Variants in ZNF385B observed in about 807,000 individuals in gnomAD.
The protein encoded by ZNF385B is zinc finger protein 385B.
A neutral mutation model predicts 39.2 loss-of-function variants in ZNF385B; 23 were observed. The ratio of observed to expected loss-of-function variants is 0.59; its 90% CI spans 0.42 to 0.83. The LOEUF is 0.83. Ranked by LOEUF, ZNF385B falls within the 40% of genes least tolerant of loss-of-function variation. ZNF385B has a pLI of 0.00. For synonymous variants in ZNF385B, 205 were observed against 222.6 expected, an observed-to-expected ratio of 0.92 and a Z score of 0.70; for missense variants, 552 against 598.9, an observed-to-expected ratio of 0.92 and a Z score of 0.82.
intron 3 of ZNF385B, among the ~76,000 whole-genome samples, chr2:179,671,652 G>A (rs1280497880): frequency 6.6e-6 from 1 of 152,206 alleles, no homozygotes; most frequent in Admixed American, 6.5e-5. Context: ...TTTCAACGAA[G>A]GGGCTACAGG....
intron 3 of ZNF385B, among the ~76,000 whole-genome samples, chr2:179,648,721 G>A (rs747785903): frequency 6.6e-6 from 1 of 152,086 alleles, no homozygotes; most frequent in Non-Finnish European, 1.5e-5. Context: ...AAATGACAAG[G>A]CTCCTGAGTC....
chr2:179,565,423 A>G (rs1684444355), intron 3 of ZNF385B, among the ~76,000 whole-genome samples: 1 of 152,222 alleles, frequency 6.6e-6, no homozygotes, highest in African/African-American at 2.4e-5. Context: ...CATTATTATT[A>G]CCATCACCAC....
chr2:179,689,409 C>G (rs900505929), intron 3 of ZNF385B, among the ~76,000 whole-genome samples: 1 of 152,164 alleles, frequency 6.6e-6, no homozygotes, highest in Non-Finnish European at 1.5e-5. Context: ...TGTGGACACT[C>G]AGTCCAGTAT....
chr2:179,618,735 T>C (rs1689965129), intron 3 of ZNF385B, among the ~76,000 whole-genome samples: 1 of 152,126 alleles, frequency 6.6e-6, no homozygotes, highest in Admixed American at 6.6e-5. Flanking sequence ...ACAAGAGGAA[T>C]CAGGAAAGCA....
At chr2:179,639,359 C>T (rs1692064767) in intron 3 of ZNF385B, among the ~76,000 whole-genome samples, 4 of 151,552 alleles carry the variant, frequency 2.6e-5, no homozygotes, top group Admixed American at 2.0e-4. Context: ...ATGGTGACTA[C>T]AGTTAATAAT....
At chr2:179,772,592 C>G (rs553860615) in intron 1 of ZNF385B, among the ~76,000 whole-genome samples, 1 of 152,302 alleles carries the variant, frequency 6.6e-6, no homozygotes, top group Non-Finnish European at 1.5e-5. Flanking sequence ...TCTCAGCATC[C>G]ACTTTTGGCC....
intron 6 of ZNF385B, among the ~76,000 whole-genome samples, chr2:179,467,266 G>C (rs2052166383): frequency 6.6e-6 from 1 of 152,034 alleles, no homozygotes; most frequent in Admixed American, 6.6e-5. Flanking sequence ...TGTCCCCAAG[G>C]GTTACCTAGT....
chr2:179,445,374 A>G (rs10201198), intron 8 of ZNF385B, among the ~76,000 whole-genome samples, 176 bp downstream of exon 8: 3,875 of 152,304 alleles, frequency 0.025, 78 homozygotes, highest in Middle Eastern at 0.061. Flanking sequence ...AGATGCTCAA[A>G]TATTTCATAC....
intron 3 of ZNF385B, among the ~76,000 whole-genome samples, chr2:179,635,576 T>G (rs1249324682): frequency 6.6e-6 from 1 of 151,730 alleles, no homozygotes; most frequent in African/African-American, 2.4e-5. Flanking sequence ...AAATACAAAA[T>G]TAGGCAAGAA....
chr2:179,718,248 G>C (rs904480879), intron 3 of ZNF385B, among the ~76,000 whole-genome samples: 1 of 151,222 alleles, frequency 6.6e-6, no homozygotes, highest in South Asian at 2.1e-4. Flanking sequence ...TTATCCACAC[G>C]CATGTTGACA....
intron 3 of ZNF385B, among the ~76,000 whole-genome samples, chr2:179,609,734 C>G (rs1689132501): frequency 6.6e-6 from 1 of 152,166 alleles, no homozygotes; most frequent in African/African-American, 2.4e-5. Context: ...TCCTTGCCAG[C>G]ATTTGTTCTT....
At chr2:179,654,383 C>G (rs190195928) in intron 3 of ZNF385B, among the ~76,000 whole-genome samples, 51 of 152,212 alleles carry the variant, frequency 3.4e-4, no homozygotes, top group Non-Finnish European at 6.3e-4. Context: ...TTTCCTATCC[C>G]CCTACCCCCT....
At chr2:179,768,593 C>T (rs970704120) in intron 3 of ZNF385B, among the ~76,000 whole-genome samples, 3 of 152,182 alleles carry the variant, frequency 2.0e-5, no homozygotes, top group Non-Finnish European at 2.9e-5. Flanking sequence ...CATTACAGAG[C>T]AAACCCTTGC....
At chr2:179,657,519 C>A (rs756722395) in intron 3 of ZNF385B, among the ~76,000 whole-genome samples, 5 of 152,306 alleles carry the variant, frequency 3.3e-5, no homozygotes, top group East Asian at 1.9e-4. Context: ...CCAAAATGGT[C>A]TTAACCATTG....
At chr2:179,494,095 A>G (rs879535063) in intron 5 of ZNF385B, among the ~76,000 whole-genome samples, 1 of 152,068 alleles carries the variant, frequency 6.6e-6, no homozygotes, top group Admixed American at 6.6e-5. Flanking sequence ...GGGGTAGACT[A>G]TGGTGTAACG....
At chr2:179,561,306 A>G (rs540459195) in intron 3 of ZNF385B, among the ~76,000 whole-genome samples, 2 of 152,258 alleles carry the variant, frequency 1.3e-5, no homozygotes, top group South Asian at 4.1e-4. Context: ...ATTTTCCCTA[A>G]ATCAGGTATG....
intron 4 of ZNF385B, among the ~76,000 whole-genome samples, chr2:179,537,325 A>T (rs559394824): frequency 1.3e-3 from 196 of 151,256 alleles, no homozygotes; most frequent in Middle Eastern, 0.01. Context: ...AATAAATAAA[A>T]AAAAAATAAA....
intron 3 of ZNF385B, among the ~76,000 whole-genome samples, chr2:179,578,681 G>A (rs1004512546): frequency 6.6e-6 from 1 of 152,028 alleles, no homozygotes; most frequent in African/African-American, 2.4e-5. Context: ...TACCTAGTGG[G>A]AAACAGTTCT....
intron 4 of ZNF385B, among the ~76,000 whole-genome samples, chr2:179,532,856 C>A (rs142741992): frequency 6.6e-6 from 1 of 152,140 alleles, no homozygotes; most frequent in Non-Finnish European, 1.5e-5. Context: ...GTTCCATTGG[C>A]CCTCCCAAAG....
Sources: allele counts gnomAD v4.1 joint callset (sites outside exome capture counted in the v4.1 genomes callset), GRCh38; gene constraint gnomAD v4.1.1; transcripts MANE v1.5; gene names NCBI Gene and HGNC (gene_info 2026-07-23, HGNC 2026-07-21).